MECR: variants seen among roughly 807,000 people sequenced by gnomAD.
MECR encodes the protein mitochondrial trans-2-enoyl-CoA reductase, also known as enoyl-[acyl-carrier-protein] reductase, mitochondrial.
Under a neutral mutation model 49.1 loss-of-function variants are expected in MECR, and 37 were observed. That is an observed-to-expected ratio of 0.75 (90% CI 0.58 to 0.99). MECR has a LOEUF of 0.99. MECR is among the 50% of genes least tolerant of loss of function. The probability of loss-of-function intolerance (pLI) is 0.00; values close to 1 mark genes in which losing one functional copy is unlikely to be tolerated. For missense variants in MECR, 470 were observed against 479.6 expected (o/e 0.98, Z 0.19); for synonymous variants, 198 against 191.1 (o/e 1.04, Z -0.30).
intron 3 of MECR, among the ~76,000 whole-genome samples, chr1:29,214,020 C>T (rs16838019): frequency 0.12 from 17,476 of 151,226 alleles, 1,367 homozygotes; most frequent in East Asian, 0.41. Context: ...GAACCCGAAG[C>T]TTTCACTCTG....
the MECR span, among the ~76,000 whole-genome samples, chr1:29,174,490 G>C: frequency 6.6e-6 from 1 of 152,118 alleles, no homozygotes; most frequent in Non-Finnish European, 1.5e-5. Context: ...ACATATGTAT[G>C]TTGGAGTACT....
chr1:29,209,059 T>C (rs1172164819), intron 3 of MECR, among the ~76,000 whole-genome samples: 1 of 152,128 alleles, frequency 6.6e-6, no homozygotes. Flanking sequence ...AAGAGTGGCT[T>C]GAGACATGGC....
chr1:29,216,596 A>C lies in MECR; in HGVS notation c.266T>G (p.Met89Arg). 1 of 1,614,192 alleles carries C rather than the reference A, an allele frequency of 6.2e-7. No individual in the cohort carries two copies. Among genetic ancestry groups the C allele is most frequent in the Non-Finnish European group, 8.5e-7 (1 of 1,180,026 alleles). ...ACAGAAACCAAGGTTACCTTGGATC[A>C]TATTTATGTCAGATGGATTGATAGG... ...AAPINPSDINMIQGNYGFLPE... is the reference protein window; with the variant it reads ...AAPINPSDINRIQGNYGFLPE... Residue 89 changes from methionine to arginine, a missense_variant, in exon 2 of 10, where the codon ATG becomes AGG. Coordinates refer to ENST00000263702, the MANE Select transcript of MECR (RefSeq NM_016011.5).
At chr1:29,216,205 C>T (rs1003923498) in intron 2 of MECR, 69 bp from the exon 3 acceptor site, 3 of 1,581,796 alleles carry the variant, frequency 1.9e-6, no homozygotes, top group African/African-American at 1.3e-5. Context: ...GACTTGAGTC[C>T]ACGCCATCCT....
At chr1:29,211,530 T>G (rs1678021005) in intron 3 of MECR, among the ~76,000 whole-genome samples, 1 of 152,260 alleles carries the variant, frequency 6.6e-6, no homozygotes, top group African/African-American at 2.4e-5. Flanking sequence ...TGCCAACTCC[T>G]GATCTAATGC....
intron 6 of MECR, 141 bp from the exon 7 acceptor site, chr1:29,200,730 G>A: frequency 1.5e-6 from 1 of 653,564 alleles, no homozygotes; most frequent in South Asian, 1.9e-5. Context: ...ATGTATATGT[G>A]TGTGTGTTTA....
rs1217080366 is a variant in MECR at position 29,230,930 on chromosome 1, C to A, written c.-24G>T. ...ATGCTCGCTCCAACCAACACAGAGC[C>A]TGACGCCCCGGCTACGTCATCTTCC... On this transcript the variant is annotated 5_prime_UTR_variant, in exon 1 of 10. In the 5' UTR this introduces an upstream ATG that the reference lacks. Transcript: ENST00000263702. The A allele has an allele frequency of 1.7e-5, 26 of 1,560,474 alleles. No individual in the cohort carries two copies. The highest frequency in any genetic ancestry group is 2.2e-5 in the Non-Finnish European group (25 of 1,160,314).
rs749351701 is a variant in MECR at position 29,230,887 on chromosome 1, A to G, written c.20T>C (p.Leu7Pro). 3 of 1,608,014 alleles carry G rather than the reference A, an allele frequency of 1.9e-6. No individual in the cohort carries two copies. Among genetic ancestry groups the G allele is most frequent in the African/African-American group, 1.3e-5 (1 of 74,704 alleles). Residue 7 changes from leucine (L) to proline (P), a missense_variant, in exon 1 of 10, where the codon CTG becomes CCG. Coordinates refer to ENST00000263702, the MANE Select transcript of MECR (RefSeq NM_016011.5). The stretch of plus-strand genomic sequence containing the variant: ...CCGGGCGGGGGTTCGCACCCGCCAC[A>G]GGGTACTGCAGACCCACATGCTCGC... MWVCST[L>P]WRVRTPARQW...
the MECR span, chr1:29,173,154 T>C: frequency 1.5e-5 from 2 of 129,626 alleles, no homozygotes; most frequent in African/African-American, 2.9e-5. Context: ...TTTTTTTTTT[T>C]TGAGACAGAG....
intron 7 of MECR, among the ~76,000 whole-genome samples, chr1:29,200,121 GT>G (rs768317654): frequency 2.0e-5 from 3 of 152,084 alleles, no homozygotes; most frequent in Non-Finnish European, 4.4e-5. Context: ...AAAATGTTTT[GT>G]AATAAGCATA....
chr1:29,172,842 TA>T, the MECR span: 3 of 151,970 alleles, frequency 2.0e-5, no homozygotes, highest in Non-Finnish European at 4.4e-5. Context: ...GGGTTACTTA[TA>T]ACAGCAAGAA....
At chr1:29,216,511 C>A in intron 2 of MECR, 77 bp downstream of exon 2, 1 of 1,422,360 alleles carries the variant, frequency 7.0e-7, no homozygotes, top group Non-Finnish European at 9.9e-7. Flanking sequence ...TTCACACCCA[C>A]ACCTGAGGAG....
chr1:29,202,117 C>T, intron 5 of MECR, 72 bp from the exon 6 acceptor site: 1 of 1,307,800 alleles, frequency 7.6e-7, no homozygotes. Flanking sequence ...GACCTCTCTG[C>T]CACAGCTGGG....
At chr1:29,213,312 G>A (rs180743640) in intron 3 of MECR, among the ~76,000 whole-genome samples, 2 of 152,174 alleles carry the variant, frequency 1.3e-5, no homozygotes, top group African/African-American at 2.4e-5. Context: ...CTCCTTCACC[G>A]CCAGGTGGGT....
chr1:29,219,543 C>T (rs912256586), intron 1 of MECR, among the ~76,000 whole-genome samples: 1 of 151,848 alleles, frequency 6.6e-6, no homozygotes, highest in Non-Finnish European at 1.5e-5. Flanking sequence ...TCCCATTGTA[C>T]AGAATTATAC....
chr1:29,179,547 G>A, the MECR span, among the ~76,000 whole-genome samples: 1 of 152,020 alleles, frequency 6.6e-6, no homozygotes, highest in Non-Finnish European at 1.5e-5. Flanking sequence ...TTTTTTCTTA[G>A]AGATGGGGTC....
At chr1:29,175,913 C>A in the MECR span, among the ~76,000 whole-genome samples, 38 of 152,022 alleles carry the variant, frequency 2.5e-4, no homozygotes, top group Non-Finnish European at 4.3e-4. Flanking sequence ...TTTGTACATG[C>A]CAGTGCAAAT....
chr1:29,181,723 G>T, the MECR span: 1 of 1,593,752 alleles, frequency 6.3e-7, no homozygotes. Flanking sequence ...GGGCCTGGTA[G>T]CTCAGGCGGC....
rs529903530 is a variant in MECR at position 29,209,185 on chromosome 1, G to A, written c.407-2280C>T. Among the ~76,000 whole-genome samples the A allele has an allele frequency of 1.6e-3, 246 of 152,104 alleles. 1 individual carries two copies. Among genetic ancestry groups the A allele is most frequent in the Non-Finnish European group, 2.9e-3 (197 of 68,016 alleles). The stretch of plus-strand genomic sequence containing the variant: ...TACATATACATACATGAATGTACGT[G>A]TAACACAAGCCTGTGTTTCACAGAA... On this transcript the variant is annotated intron_variant, in intron 3 of 9. Coordinates refer to ENST00000263702, the MANE Select transcript of MECR (RefSeq NM_016011.5).
Sources: allele counts gnomAD v4.1 joint callset (sites outside exome capture counted in the v4.1 genomes callset), GRCh38; gene constraint gnomAD v4.1.1; transcripts MANE v1.5; gene names NCBI Gene and HGNC (gene_info 2026-07-23, HGNC 2026-07-21).